Variants in ZNF577 observed in about 807,000 individuals in gnomAD.
ZNF577 encodes the protein zinc finger protein 577.
A neutral mutation model predicts 13.9 loss-of-function variants in ZNF577; 14 were observed. The ratio of observed to expected loss-of-function variants is 1.00; its 90% CI spans 0.66 to 1.57. The LOEUF (loss-of-function observed/expected upper bound fraction) is 1.57, where lower values mean the gene tolerates loss of function less well. ZNF577 is among the 40% of genes most tolerant of loss of function. The pLI is 0.00. For synonymous variants in ZNF577, 203 were observed against 202.9 expected, an observed-to-expected ratio of 1.00 and a Z score of 0.00; for missense variants, 555 against 579.2, an observed-to-expected ratio of 0.96 and a Z score of 0.43.
At chr19:51,884,022 C>G (rs2084904416) in intron 1 of ZNF577, among the ~76,000 whole-genome samples, 1 of 152,124 alleles carries the variant, frequency 6.6e-6, no homozygotes, top group Admixed American at 6.5e-5. Context: ...TGCAGTGAGC[C>G]AAGATAACGC....
intron 9 of ZNF577, chr19:51,817,978 C>A (rs79559876): frequency 6.7e-6 from 1 of 148,156 alleles, no homozygotes; most frequent in African/African-American, 2.5e-5. Context: ...TTTTTTCAGT[C>A]TTTTTTTTTT....
chr19:51,832,721 G>A (rs1185765482), intron 9 of ZNF577, among the ~76,000 whole-genome samples: 1 of 152,158 alleles, frequency 6.6e-6, no homozygotes, highest in Non-Finnish European at 1.5e-5. Flanking sequence ...TGCAAAGAAT[G>A]TGAGGCTTAG....
At chr19:51,828,847 T>C (rs773405994) in intron 9 of ZNF577, among the ~76,000 whole-genome samples, 1 of 152,170 alleles carries the variant, frequency 6.6e-6, no homozygotes, top group Non-Finnish European at 1.5e-5. Context: ...CCAGAAACTC[T>C]GGTGAATATA....
intron 1 of ZNF577, among the ~76,000 whole-genome samples, chr19:51,883,118 G>A (rs1483561902): frequency 1.3e-5 from 2 of 151,016 alleles, no homozygotes; most frequent in Non-Finnish European, 2.9e-5. Flanking sequence ...TCAGCCTCCT[G>A]AGTAGTTGGG....
At chr19:51,816,466 T>C (rs1335349876) in intron 9 of ZNF577, among the ~76,000 whole-genome samples, 1 of 152,206 alleles carries the variant, frequency 6.6e-6, no homozygotes, top group Non-Finnish European at 1.5e-5. Context: ...CAGACTGGTC[T>C]CCAAATCCTG....
At chr19:51,884,060 T>C (rs908452896) in intron 1 of ZNF577, among the ~76,000 whole-genome samples, 1 of 151,886 alleles carries the variant, frequency 6.6e-6, no homozygotes, top group Admixed American at 6.6e-5. Context: ...GGTGACAGAG[T>C]GAGAGTCCAC....
chr19:51,847,140 C>T, intron 5 of ZNF577, among the ~76,000 whole-genome samples: 1 of 152,178 alleles, frequency 6.6e-6, no homozygotes, highest in Non-Finnish European at 1.5e-5. Context: ...TGTACGCACA[C>T]ACATGCACAC....
In ZNF577 at chr19:51,824,838, C is replaced by T; in HGVS notation, c.*600-13164G>A. On this transcript the variant is annotated intron_variant and NMD_transcript_variant, in intron 9 of 10. Transcript: ENST00000638827. The surrounding 1 kb of genome is among the most constrained non-coding windows in gnomAD (Gnocchi z 4.7). ...TCGGGGATATTTTTGGGCTCTGTCT[C>T]TTTCTACCCTGCGTTAAGCGGAAAA... The T allele has an allele frequency of 1.3e-6, 2 of 1,546,820 alleles. No individual in the cohort carries two copies. The highest frequency in any genetic ancestry group is 1.7e-6 in the Non-Finnish European group (2 of 1,142,990).
At chr19:51,815,861 CA>C (rs35067102) in intron 9 of ZNF577, among the ~76,000 whole-genome samples, 10 of 131,324 alleles carry the variant, frequency 7.6e-5, no homozygotes, top group Admixed American at 1.5e-4. Flanking sequence ...GACCCTGTCT[CA>C]AAAAAAAAAG....
chr19:51,853,590 T>A lies in ZNF577; in HGVS notation c.284-8659A>T, dbSNP rs549709096. On this transcript the variant is annotated intron_variant and NMD_transcript_variant, in intron 5 of 10. Coordinates refer to the ZNF577 transcript ENST00000638827. ...ACGGCTGTTCAGCTTCAAGAACAGGTAACTGTACGGGAGTCTATGTAGTAG... is the reference window on the plus strand; with the variant it reads ...ACGGCTGTTCAGCTTCAAGAACAGGAAACTGTACGGGAGTCTATGTAGTAG... Among the ~76,000 whole-genome samples, 5 of 152,310 alleles carry A rather than the reference T, an allele frequency of 3.3e-5. No individual in the cohort carries two copies. The East Asian group carries it at 9.7e-4, about 29-fold the overall frequency.
chr19:51,867,301 C>T lies in ZNF577; in HGVS notation c.*5231G>A, dbSNP rs187596761. Among the ~76,000 whole-genome samples the T allele has an allele frequency of 7.2e-5, 11 of 152,128 alleles. No individual in the cohort carries two copies. Among genetic ancestry groups the T allele is most frequent in the Non-Finnish European group, 1.0e-4 (7 of 67,994 alleles). ...CCGGGGCTTTTATCGTTTTTTTCTT[C>T]GGTTCTTAGGAAAAGGATATCATTT... On this transcript the variant is annotated 3_prime_UTR_variant, in exon 6 of 6. Transcript: ENST00000638348.
rs1355574530 is a variant in ZNF577, at chr19:51,824,471, T to A, written c.*600-12797A>T. ...TGATTAAATCCAGCCGTCCCTTACG[T>A]GTCTTCGCTGCTGTGGTGGCTTCTT... On this transcript the variant is annotated intron_variant and NMD_transcript_variant, in intron 9 of 10. Coordinates refer to the ZNF577 transcript ENST00000638827. This position sits in a 1 kb window ranked among gnomAD's most constrained non-coding sequence, Gnocchi z 4.7. 1 of 1,614,100 alleles carries A rather than the reference T, an allele frequency of 6.2e-7. No individual in the cohort carries two copies. The highest frequency in any genetic ancestry group is 1.1e-5 in the South Asian group (1 of 91,086).
rs938967128 is a variant in ZNF577, at chr19:51,867,823, G to C, written c.*4709C>G. Among the ~76,000 whole-genome samples the C allele has an allele frequency of 1.3e-5, 2 of 151,906 alleles. No individual in the cohort carries two copies. Among genetic ancestry groups the C allele is most frequent in the Non-Finnish European group, 2.9e-5 (2 of 67,960 alleles). On this transcript the variant is annotated 3_prime_UTR_variant, in exon 6 of 6. Transcript: ENST00000638348. ...ACAAAAACAAGCAAACAAACAAAAA[G>C]AACAAAGCTAGGGTTGGAAAAAGCC...
intron 10 of ZNF577, among the ~76,000 whole-genome samples, chr19:51,807,280 A>G (rs1295506428): frequency 6.6e-6 from 1 of 152,160 alleles, no homozygotes; most frequent in Non-Finnish European, 1.5e-5. Context: ...CATTCTTAAA[A>G]CAGTAGGCGC....
chr19:51,829,665 A>G (rs946169274), intron 9 of ZNF577, among the ~76,000 whole-genome samples: 24 of 152,206 alleles, frequency 1.6e-4, no homozygotes, highest in African/African-American at 5.8e-4. Flanking sequence ...CAATTCCCTC[A>G]TAGTGAAGTC....
At chr19:51,813,623 C>T (rs191618333) in intron 9 of ZNF577, among the ~76,000 whole-genome samples, 148 of 151,954 alleles carry the variant, frequency 9.7e-4, no homozygotes, top group African/African-American at 3.4e-3. Context: ...CTCCACCTCC[C>T]GGGTTCACGC....
At chr19:51,855,371 G>C (rs371721023) in intron 5 of ZNF577, among the ~76,000 whole-genome samples, 3,879 of 67,198 alleles carry the variant, frequency 0.058, 65 homozygotes, top group South Asian at 0.076. Flanking sequence ...AGGGTGCTGT[G>C]TGTGTGTGTG....
intron 5 of ZNF577, among the ~76,000 whole-genome samples, chr19:51,848,883 T>C (rs2084367139): frequency 6.6e-6 from 1 of 152,252 alleles, no homozygotes; most frequent in Non-Finnish European, 1.5e-5. Context: ...TTATCTTTTA[T>C]TTTAATAATG....
chr19:51,829,270 G>A (rs553564932), intron 9 of ZNF577, among the ~76,000 whole-genome samples: 85 of 152,242 alleles, frequency 5.6e-4, no homozygotes, highest in African/African-American at 2.0e-3. Context: ...CCACAGCCCC[G>A]ACAAGCTGGC....
Sources: allele counts gnomAD v4.1 joint callset (sites outside exome capture counted in the v4.1 genomes callset), GRCh38; gene constraint gnomAD v4.1.1; non-coding constraint Gnocchi (gnomAD v3.1); transcripts MANE v1.5; gene names NCBI Gene and HGNC (gene_info 2026-07-23, HGNC 2026-07-21).